The following CUBN variants were observed in gnomAD, a reference collection of about 807,000 sequenced individuals.
CUBN encodes 460 kDa receptor.
Under a neutral mutation model 405.3 loss-of-function variants are expected in CUBN, and 282 were observed. That is an observed-to-expected ratio of 0.70 (90% confidence interval 0.63 to 0.77). CUBN has a LOEUF of 0.77. Among genes scored for constraint, CUBN ranks in the 30% least tolerant of loss-of-function variants. The pLI, the probability that CUBN is intolerant of heterozygous loss-of-function variation, is 0.00. For synonymous variants in CUBN, 1,684 were observed against 1,617.0 expected (o/e 1.04, Z -0.99); for missense variants, 4,514 against 4,475.2 (o/e 1.01, Z -0.25).
chr10:16,914,068 T>G (rs1284417278), intron 47 of CUBN, 76 bp from the exon 48 acceptor site: 1 of 1,501,912 alleles, frequency 6.7e-7, no homozygotes, highest in Non-Finnish European at 9.2e-7. Flanking sequence ...CTCTCAAAAT[T>G]CAGGTATTTA....
Position 17,087,472 on chromosome 10 carries a change from C to CTTTTTTTTTTTTTTTTTTTT in CUBN, c.1947+672_1947+691dup, listed in dbSNP as rs775573918. ...CACAATCACTATTATTTTTCTTTTT[C>CTTTTTTTTTTTTTTTTTTTT]TTTTTTTTTTTTTTTTTTTTTTAGA... On this transcript the variant is annotated intron_variant, in intron 15 of 66. Coordinates refer to ENST00000377833, the MANE Select transcript of CUBN (RefSeq NM_001081.4). 3.2e-4 allele frequency among the ~76,000 whole-genome samples: 23 copies of CTTTTTTTTTTTTTTTTTTTT among 71,728 alleles called. 3 individuals are homozygous for CTTTTTTTTTTTTTTTTTTTT. The highest frequency in any genetic ancestry group is 9.0e-4 in the African/African-American group (19 of 21,132). 47.1% of individuals were successfully genotyped at this position (71,728 alleles called of 152,430 possible).
chr10:16,895,991 T>C (rs536627422), intron 54 of CUBN, among the ~76,000 whole-genome samples: 1 of 152,302 alleles, frequency 6.6e-6, no homozygotes, highest in South Asian at 2.1e-4. Flanking sequence ...TGATTGATAT[T>C]AGCGTTTTTC....
intron 20 of CUBN, 53 bp downstream of exon 20, chr10:17,068,552 T>G: frequency 7.0e-7 from 1 of 1,426,696 alleles, no homozygotes; most frequent in South Asian, 1.2e-5. Context: ...TATCATTCAC[T>G]TATTCTGATA....
chr10:16,978,989 CAA>C (rs1229736278), intron 31 of CUBN, among the ~76,000 whole-genome samples: 1 of 152,196 alleles, frequency 6.6e-6, no homozygotes, highest in African/African-American at 2.4e-5. Flanking sequence ...GCAACTTCAG[CAA>C]AGTCTCAGGA....
chr10:16,824,879 T>A lies in CUBN; in HGVS notation c.*96A>T. 1 of 850,994 alleles carries A rather than the reference T, an allele frequency of 1.2e-6. No homozygotes were observed. The highest frequency in any genetic ancestry group is 2.5e-5 in the East Asian group (1 of 39,536). 52.7% of individuals were successfully genotyped at this position (850,994 alleles called of 1,614,324 possible). On this transcript the variant is annotated 3_prime_UTR_variant, in exon 67 of 67. Transcript: ENST00000377833. ...AAAACCATACAAGTTCAGCTTATTC[T>A]CTGTGGCATCAGCAGGGGTCATGTA... is the stretch of plus-strand genomic sequence containing the variant.
Position 16,906,188 on chromosome 10 carries a change from TTAGA to T in CUBN, c.7912+11_7912+14del, listed in dbSNP as rs780011730. The T allele has an allele frequency of 3.8e-6, 6 of 1,576,402 alleles. No homozygotes were observed. The African/African-American group carries it at 4.1e-5, about 11-fold the overall frequency. Reference sequence around the variant, plus strand: ...TGTAGATAAATGGGAAAACGCATTCTTAGATAGAACTCACCCACTCGAAACTCGA... The same window carrying T: ...TGTAGATAAATGGGAAAACGCATTCTTAGAACTCACCCACTCGAAACTCGA... On this transcript the variant is annotated intron_variant, in intron 50 of 66. Transcript: ENST00000377833.
chr10:17,117,808 T>C (rs1836942419), intron 6 of CUBN, among the ~76,000 whole-genome samples: 1 of 152,192 alleles, frequency 6.6e-6, no homozygotes, highest in African/African-American at 2.4e-5. Context: ...ACCCCTGGGA[T>C]AAGATTGCCT....
Position 17,088,336 on chromosome 10 carries a change from C to A in CUBN, c.1775G>T (p.Gly592Val). The A allele has an allele frequency of 3.1e-6, 5 of 1,609,416 alleles. No individual in the cohort carries two copies. The highest frequency in any genetic ancestry group is 4.3e-6 in the Non-Finnish European group (5 of 1,175,866). ...AGAACCGTAAGGACCAGTCAGGATA[C>A]CTCCACACTCTAAAATAAGAGGGAA... The part of the protein sequence containing the change: ...RWETQQPECG[G>V]ILTGPYGSIK... Residue 592 changes from glycine (G) to valine (V), a missense_variant, in exon 15 of 67, where the codon GGT becomes GTT. By Grantham distance (109) the Gly-to-Val change is moderately radical. Coordinates refer to ENST00000377833, the MANE Select transcript of CUBN (RefSeq NM_001081.4).
chr10:17,090,100 G>A (rs1390545933), intron 14 of CUBN, among the ~76,000 whole-genome samples: 1 of 151,946 alleles, frequency 6.6e-6, no homozygotes, highest in East Asian at 1.9e-4. Flanking sequence ...AAAAACAAAA[G>A]ACTAAAAAGA....
chr10:16,858,696 G>A (rs894971678), intron 59 of CUBN, among the ~76,000 whole-genome samples: 2 of 152,150 alleles, frequency 1.3e-5, no homozygotes, highest in African/African-American at 4.8e-5. Flanking sequence ...AAATGAAGTG[G>A]GATGAATCAC....
chr10:17,112,940 C>T (rs1222167900), intron 8 of CUBN, among the ~76,000 whole-genome samples: 1 of 152,068 alleles, frequency 6.6e-6, no homozygotes, highest in Non-Finnish European at 1.5e-5. Flanking sequence ...TTAAAAATTG[C>T]TTATACAATG....
intron 57 of CUBN, among the ~76,000 whole-genome samples, chr10:16,876,044 T>C (rs1183342736): frequency 6.6e-6 from 1 of 152,232 alleles, no homozygotes; most frequent in East Asian, 1.9e-4. Context: ...GAACAAATTA[T>C]GGAGGGCCTT....
Position 16,906,260 on chromosome 10 carries a change from C to A in CUBN, c.7855G>T (p.Asp2619Tyr). The A allele has an allele frequency of 1.1e-5, 17 of 1,614,166 alleles. No homozygotes were observed. The highest frequency in any genetic ancestry group is 1.7e-5 in the Admixed American group (1 of 60,022). Residue 2619 changes from aspartate to tyrosine, a missense_variant, in exon 50 of 67, where the codon GAT becomes TAT. By Grantham distance (160) the Asp-to-Tyr change is radical (BLOSUM62 -3). Transcript: ENST00000377833. ...GNSSISIHFE[D>Y]FYLESHQDCQ... ...TCTTGGTGACTTTCTAGGTAAAAATCTTCAAAGTGAATGGAAATGGATGAA... is the reference window on the plus strand; with the variant it reads ...TCTTGGTGACTTTCTAGGTAAAAATATTCAAAGTGAATGGAAATGGATGAA...
chr10:17,068,400 C>T (rs1358417966), intron 20 of CUBN, 120 bp from the exon 21 acceptor site: 1 of 1,076,902 alleles, frequency 9.3e-7, no homozygotes, highest in Non-Finnish European at 1.4e-6. Flanking sequence ...TTAGTTGCCA[C>T]TTAAGATAAC....
At chr10:16,966,643 C>A (rs945736758) in intron 31 of CUBN, among the ~76,000 whole-genome samples, 4 of 152,030 alleles carry the variant, frequency 2.6e-5, no homozygotes, top group African/African-American at 9.7e-5. Context: ...GAGACAGGGT[C>A]TCACCATGTT....
At chr10:17,011,630 T>C (rs150772215) in intron 28 of CUBN, among the ~76,000 whole-genome samples, 38 of 152,136 alleles carry the variant, frequency 2.5e-4, no homozygotes, top group African/African-American at 8.4e-4. Context: ...GTGGCCAGCT[T>C]TTATTCCCTT....
chr10:16,873,591 G>A lies in CUBN; in HGVS notation c.9236+783C>T, dbSNP rs184173089. ...ACAAAACTGAGCAGGGCATGGTGGC[G>A]CCTGCCTGTAATCCCAGCTACTCAG... On this transcript the variant is annotated intron_variant, in intron 58 of 66. Transcript: ENST00000377833. 3.1e-3 allele frequency among the ~76,000 whole-genome samples: 467 copies of A among 151,830 alleles called. 2 individuals carry two copies. The highest frequency in any genetic ancestry group is 0.01 in the African/African-American group (432 of 41,418).
In CUBN at chr10:16,947,351, G is replaced by A; in HGVS notation, c.5226C>T (p.Phe1742=). The A allele has an allele frequency of 6.2e-7, 1 of 1,614,060 alleles. No individual in the cohort carries two copies. The highest frequency in any genetic ancestry group is 8.5e-7 in the Non-Finnish European group (1 of 1,179,986). ...TGTTGAAGATGCCTTCAGCCATGTA[G>A]AACGTTCCACCACAAGCTGGAAGAA... ...TASVSACGGT[F]YMAEGIFNSP... The change falls in exon 36 of 67, where the codon TTC becomes TTT. Residue 1742 remains phenylalanine, a synonymous_variant. Coordinates refer to ENST00000377833, the MANE Select transcript of CUBN (RefSeq NM_001081.4).
intron 6 of CUBN, among the ~76,000 whole-genome samples, chr10:17,116,867 C>T (rs1056797272): frequency 6.6e-6 from 1 of 152,108 alleles, no homozygotes; most frequent in South Asian, 2.1e-4. Context: ...TCCATGCATT[C>T]AAGTCGGGAG....
Sources: allele counts gnomAD v4.1 joint callset (sites outside exome capture counted in the v4.1 genomes callset), GRCh38; gene constraint gnomAD v4.1.1; transcripts MANE v1.5; gene names NCBI Gene and HGNC (gene_info 2026-07-23, HGNC 2026-07-21).